The following RBMS3 variants were observed in gnomAD, a reference collection of about 807,000 sequenced individuals.
RBMS3 encodes the protein RNA binding motif single stranded interacting protein 3.
Under a neutral mutation model 66.8 loss-of-function variants are expected in RBMS3, and 27 were observed. The ratio of observed to expected loss-of-function variants is 0.40; its 90% CI spans 0.30 to 0.56. RBMS3 has a LOEUF of 0.56. RBMS3 is among the 20% of genes least tolerant of loss of function. The pLI is 0.40. For missense variants in RBMS3, 513 were observed against 549.5 expected, an observed-to-expected ratio of 0.93 and a Z score of 0.66; for synonymous variants, 188 against 183.0, an observed-to-expected ratio of 1.03 and a Z score of -0.22.
intron 1 of RBMS3, among the ~76,000 whole-genome samples, chr3:29,412,808 A>C (rs1306094563): frequency 6.6e-6 from 1 of 152,226 alleles, no homozygotes; most frequent in Non-Finnish European, 1.5e-5. Flanking sequence ...TTAAGCAGGG[A>C]GGAGATAAAT....
intron 1 of RBMS3, among the ~76,000 whole-genome samples, chr3:29,368,419 C>A (rs770240779): frequency 6.6e-6 from 1 of 151,730 alleles, no homozygotes; most frequent in East Asian, 1.9e-4. Flanking sequence ...ATCACGTTAT[C>A]CCCAATGCCT....
intron 1 of RBMS3, among the ~76,000 whole-genome samples, chr3:29,287,054 G>C (rs1029431014): frequency 2.6e-5 from 4 of 152,122 alleles, no homozygotes; most frequent in Admixed American, 1.3e-4. Context: ...AGTGCAGATG[G>C]AACTGAAGGG....
At chr3:29,489,449 C>T (rs2043445460) in intron 3 of RBMS3, among the ~76,000 whole-genome samples, 1 of 151,866 alleles carries the variant, frequency 6.6e-6, no homozygotes, top group African/African-American at 2.4e-5. Flanking sequence ...AATAATATGA[C>T]ATGATTTCTT....
intron 4 of RBMS3, among the ~76,000 whole-genome samples, chr3:29,713,156 A>C (rs2053245463): frequency 6.6e-6 from 1 of 151,932 alleles, no homozygotes; most frequent in African/African-American, 2.4e-5. Flanking sequence ...TATTCCTTGT[A>C]GTATCAAACT....
At chr3:29,550,689 C>G (rs2046152599) in intron 3 of RBMS3, among the ~76,000 whole-genome samples, 1 of 152,026 alleles carries the variant, frequency 6.6e-6, no homozygotes, top group African/African-American at 2.4e-5. Context: ...TTGGGACATG[C>G]TTACACAAAA....
At chr3:29,399,714 T>G (rs202012299) in intron 1 of RBMS3, among the ~76,000 whole-genome samples, 10 of 9,444 alleles carry the variant, frequency 1.1e-3, no homozygotes, top group Middle Eastern at 0.019. Flanking sequence ...AAAAGTAATA[T>G]TTTTTTTAAC....
chr3:29,512,148 A>C (rs1038783723), intron 3 of RBMS3, among the ~76,000 whole-genome samples: 9 of 152,076 alleles, frequency 5.9e-5, no homozygotes, highest in Non-Finnish European at 8.8e-5. Context: ...AAAAAATGGG[A>C]AAGTCTGCAC....
intron 12 of RBMS3, among the ~76,000 whole-genome samples, chr3:29,981,444 T>A (rs1697988339): frequency 6.6e-6 from 1 of 152,180 alleles, no homozygotes; most frequent in East Asian, 1.9e-4. Flanking sequence ...CTGATTGACC[T>A]GGCCAGAACT....
chr3:29,647,702 C>A (rs1039428896), intron 4 of RBMS3, among the ~76,000 whole-genome samples: 2 of 152,106 alleles, frequency 1.3e-5, no homozygotes, highest in African/African-American at 4.8e-5. Flanking sequence ...GTAGGCAAAC[C>A]TGAAAGTTTA....
At chr3:29,584,004 ATTC>A (rs946319589) in intron 3 of RBMS3, among the ~76,000 whole-genome samples, 2 of 152,050 alleles carry the variant, frequency 1.3e-5, no homozygotes, top group Non-Finnish European at 2.9e-5. Flanking sequence ...CTGTTTCTTA[ATTC>A]TTCTTCCCAG....
At chr3:29,718,124 T>C (rs1454911272) in intron 4 of RBMS3, among the ~76,000 whole-genome samples, 1 of 152,106 alleles carries the variant, frequency 6.6e-6, no homozygotes, top group African/African-American at 2.4e-5. Context: ...TTTTTCCTTC[T>C]GTTTAAGTTT....
chr3:29,756,944 CTTG>C (rs1029241802), intron 5 of RBMS3, among the ~76,000 whole-genome samples: 2 of 152,092 alleles, frequency 1.3e-5, no homozygotes, highest in Non-Finnish European at 2.9e-5. Flanking sequence ...TTTCCTGAAC[CTTG>C]TTGTTTAGGG....
In RBMS3 at chr3:29,436,494, C is replaced by T. The variant is rs6771171; in HGVS notation, c.248+1579C>T. Reference sequence around the variant, plus strand: ...CATACAAATATACGTTAGATTTTGGCCCATAGAATATTGAGGTTGAGAATC... The same window carrying T: ...CATACAAATATACGTTAGATTTTGGTCCATAGAATATTGAGGTTGAGAATC... On this transcript the variant is annotated intron_variant, in intron 2 of 14. Transcript: ENST00000383767. Among the ~76,000 whole-genome samples, 838 of 152,118 alleles carry T rather than the reference C, an allele frequency of 5.5e-3. 5 individuals are homozygous for T. The highest frequency in any genetic ancestry group is 0.019 in the African/African-American group (786 of 41,488).
intron 4 of RBMS3, among the ~76,000 whole-genome samples, chr3:29,725,545 C>T (rs982331174): frequency 2.6e-5 from 4 of 152,120 alleles, no homozygotes; most frequent in African/African-American, 9.7e-5. Flanking sequence ...GATATCACCA[C>T]TGATCCCACA....
chr3:29,784,840 A>C (rs2056765842), intron 6 of RBMS3, among the ~76,000 whole-genome samples: 1 of 152,126 alleles, frequency 6.6e-6, no homozygotes, highest in Non-Finnish European at 1.5e-5. Context: ...TTAAGAAACA[A>C]AATGGGAGAT....
intron 2 of RBMS3, among the ~76,000 whole-genome samples, chr3:29,482,995 C>T (rs1450354390): frequency 6.6e-6 from 1 of 151,604 alleles, no homozygotes; most frequent in African/African-American, 2.4e-5. Flanking sequence ...CGTGAGCCGC[C>T]GCCCCCAGCC....
chr3:29,997,478 G>T (rs138409334), intron 14 of RBMS3, among the ~76,000 whole-genome samples: 13,269 of 133,330 alleles, frequency 0.1, 1,003 homozygotes, highest in South Asian at 0.18. Context: ...AAGAGAATTT[G>T]AGACCGATAT....
At chr3:29,576,595 G>T (rs2047129347) in intron 3 of RBMS3, among the ~76,000 whole-genome samples, 1 of 152,130 alleles carries the variant, frequency 6.6e-6, no homozygotes, top group Non-Finnish European at 1.5e-5. Context: ...GCCCCAGGTG[G>T]GTCCAGAGAT....
intron 2 of RBMS3, among the ~76,000 whole-genome samples, chr3:29,465,322 G>GTAGT (rs2042501352): frequency 6.6e-6 from 1 of 152,130 alleles, no homozygotes; most frequent in Non-Finnish European, 1.5e-5. Flanking sequence ...TTGAGCATTA[G>GTAGT]TAGTTAGGCA....
Sources: gnomAD v4.1 joint callset for allele counts (sites outside exome capture counted in the v4.1 genomes callset) on GRCh38, gnomAD v4.1.1 for gene constraint, MANE v1.5 for transcripts, NCBI Gene and HGNC (gene_info 2026-07-23, HGNC 2026-07-21) for gene names.